Variants in VWA3B observed in about 807,000 individuals in gnomAD.
The protein encoded by VWA3B is von Willebrand factor A domain containing 3B, also known as von Willebrand factor A domain-containing protein 3B.
Under a neutral mutation model 158.3 loss-of-function variants are expected in VWA3B, and 138 were observed. That is an observed-to-expected ratio of 0.87 (90% CI 0.76 to 1.00). The LOEUF is 1.00. Among genes scored for constraint, VWA3B ranks in the 50% least tolerant of loss-of-function variants. The probability of loss-of-function intolerance (pLI) is 0.00; values close to 1 mark genes in which losing one functional copy is unlikely to be tolerated. For synonymous variants in VWA3B, 596 were observed against 587.3 expected, an observed-to-expected ratio of 1.01 and a Z score of -0.21; for missense variants, 1,555 against 1,565.1, an observed-to-expected ratio of 0.99 and a Z score of 0.11.
At chr2:98,192,770 C>T in intron 10 of VWA3B, 128 bp from the exon 11 acceptor site, 1 of 1,319,766 alleles carries the variant, frequency 7.6e-7, no homozygotes, top group Non-Finnish European at 1.1e-6. Context: ...ATGATCTACT[C>T]ACAGAAGATT....
At chr2:98,172,074 A>G (rs56212403) in intron 8 of VWA3B, among the ~76,000 whole-genome samples, 17,203 of 152,206 alleles carry the variant, frequency 0.11, 1,036 homozygotes, top group Middle Eastern at 0.13. Flanking sequence ...TTAGTTTGCT[A>G]TCTATAGGCA....
intron 9 of VWA3B, among the ~76,000 whole-genome samples, chr2:98,183,002 A>C (rs1680720905): frequency 6.6e-6 from 1 of 152,198 alleles, no homozygotes; most frequent in South Asian, 2.1e-4. Context: ...ACTGACAACA[A>C]TGTAGTATAT....
intron 23 of VWA3B, chr2:98,291,704 G>A (rs993467238): frequency 2.6e-5 from 4 of 152,260 alleles, no homozygotes; most frequent in African/African-American, 9.7e-5. Flanking sequence ...GATAGATAGT[G>A]GTACCTACAG....
chr2:98,246,217 G>T (rs1323465376), intron 19 of VWA3B, among the ~76,000 whole-genome samples: 2 of 151,990 alleles, frequency 1.3e-5, no homozygotes, highest in Admixed American at 6.6e-5. Context: ...ACTATTGATA[G>T]TTTTAAACCT....
At chr2:98,115,865 A>G in intron 3 of VWA3B, 119 bp downstream of exon 3, 1 of 761,408 alleles carries the variant, frequency 1.3e-6, no homozygotes, top group Non-Finnish European at 2.1e-6. Context: ...CCAAGCCCTT[A>G]TTAGGCTGGG....
At position 98,187,952 on chromosome 2, in the gene VWA3B, T is replaced by C. The variant is rs775202475; in HGVS notation, c.1312-23T>C. The C allele has an allele frequency of 2.5e-6, 4 of 1,582,142 alleles. No homozygotes were observed. The East Asian group carries it at 9.1e-5, about 36-fold the overall frequency. The stretch of plus-strand genomic sequence containing the variant: ...CTCTTTGGACAGTTTCTGAGTGGCT[T>C]CTGTCCTTTGTCATCTCCTTAGGAG... On this transcript the variant is annotated intron_variant, in intron 9 of 27. Coordinates refer to ENST00000477737, the MANE Select transcript of VWA3B (RefSeq NM_144992.5).
At chr2:98,223,016 A>G (rs12478763) in intron 14 of VWA3B, among the ~76,000 whole-genome samples, 87,519 of 152,034 alleles carry the variant, frequency 0.58, 25,639 homozygotes, top group South Asian at 0.81. Flanking sequence ...GAGATGAATC[A>G]TATGTTGGAA....
At chr2:98,114,220 T>C (rs1389446923) in intron 2 of VWA3B, among the ~76,000 whole-genome samples, 1 of 152,198 alleles carries the variant, frequency 6.6e-6, no homozygotes, top group Non-Finnish European at 1.5e-5. Context: ...TATGAAGCCT[T>C]CCATAGTCTT....
At chr2:98,200,537 C>CA (rs1558666259) in intron 12 of VWA3B, among the ~76,000 whole-genome samples, 1 of 119,530 alleles carries the variant, frequency 8.4e-6, no homozygotes, top group Non-Finnish European at 1.8e-5. Flanking sequence ...AGCAAGACTC[C>CA]ATCTCAAAAA....
At position 98,172,439 on chromosome 2, in the gene VWA3B, C is replaced by T. The variant is rs1046134688; in HGVS notation, c.1115-8577C>T. On this transcript the variant is annotated intron_variant, in intron 8 of 27. Transcript: ENST00000477737. ...TGTTCCTCCTCCGATATGCTCCTCT[C>T]GATGTCCAGCTGCTTCTGTCTCTGC... 3.3e-5 allele frequency among the ~76,000 whole-genome samples: 5 copies of T among 152,306 alleles called. No homozygotes were observed. In the East Asian group the frequency reaches 5.8e-4, roughly 18 times the overall value.
chr2:98,129,186 G>T (rs1675620057), intron 6 of VWA3B, among the ~76,000 whole-genome samples: 1 of 150,794 alleles, frequency 6.6e-6, no homozygotes, highest in African/African-American at 2.5e-5. Context: ...ACGGTGGAGA[G>T]AGAGAGTGAG....
intron 22 of VWA3B, among the ~76,000 whole-genome samples, chr2:98,275,482 G>A (rs2105901427): frequency 6.6e-6 from 1 of 152,342 alleles, no homozygotes; most frequent in Non-Finnish European, 1.5e-5. Flanking sequence ...CCAAGGACAA[G>A]AGGCAGAAAC....
the VWA3B span, among the ~76,000 whole-genome samples, chr2:98,318,735 AT>A: frequency 6.6e-6 from 1 of 152,266 alleles, no homozygotes; most frequent in East Asian, 1.9e-4. Flanking sequence ...AGTTAAAAAA[AT>A]AATAGTGTGG....
intron 8 of VWA3B, among the ~76,000 whole-genome samples, chr2:98,168,282 G>A (rs1454943946): frequency 6.6e-6 from 1 of 151,892 alleles, no homozygotes; most frequent in East Asian, 1.9e-4. Flanking sequence ...AGAAGGTCTT[G>A]GATGTTATTC....
chr2:98,093,440 C>A, intron 2 of VWA3B, 152 bp downstream of exon 2: 1 of 657,224 alleles, frequency 1.5e-6, no homozygotes. Flanking sequence ...ACGTGTGCCC[C>A]CAATATATGT....
At chr2:98,092,951 A>G in intron 1 of VWA3B, 110 bp from the exon 2 acceptor site, 1 of 684,430 alleles carries the variant, frequency 1.5e-6, no homozygotes, top group Non-Finnish European at 2.3e-6. Flanking sequence ...TAATTGATAA[A>G]TAGCATTCCA....
intron 2 of VWA3B, among the ~76,000 whole-genome samples, chr2:98,109,112 C>CCTTCCGAGTAGCTGGGATTATAGG (rs1673929889): frequency 6.6e-6 from 1 of 151,788 alleles, no homozygotes. Context: ...CCTGCCTCAG[C>CCTTCCGAGTAGCTGGGATTATAGG]CTTCCGAGTA....
At position 98,151,348 on chromosome 2, in the gene VWA3B, G is replaced by A. The variant is rs185390166; in HGVS notation, c.989-11503G>A. Among the ~76,000 whole-genome samples the A allele has an allele frequency of 2.5e-3, 380 of 152,226 alleles. 2 individuals are homozygous for A. Among genetic ancestry groups the A allele is most frequent in the African/African-American group, 8.3e-3 (344 of 41,538 alleles). ...GCTGGTCTCTTACCTTTAGTGATCCGCCTGCCTCGGCCTCCCAAAGTGCTG... is the reference window on the plus strand; with the variant it reads ...GCTGGTCTCTTACCTTTAGTGATCCACCTGCCTCGGCCTCCCAAAGTGCTG... On this transcript the variant is annotated intron_variant, in intron 7 of 27. Transcript: ENST00000477737.
At chr2:98,154,010 T>G (rs1677854955) in intron 7 of VWA3B, among the ~76,000 whole-genome samples, 1 of 152,126 alleles carries the variant, frequency 6.6e-6, no homozygotes, top group South Asian at 2.1e-4. Context: ...TACAGGCGCC[T>G]GTCACCACGC....
Sources: allele counts gnomAD v4.1 joint callset (sites outside exome capture counted in the v4.1 genomes callset), GRCh38; gene constraint gnomAD v4.1.1; transcripts MANE v1.5; gene names NCBI Gene and HGNC (gene_info 2026-07-23, HGNC 2026-07-21).